The following RAB11B variants were observed in gnomAD, a reference collection of about 807,000 sequenced individuals.
RAB11B encodes ras-related protein Rab-11B.
In RAB11B, 7 loss-of-function variants were observed where a neutral mutation model predicts 23.7. That is an observed-to-expected ratio of 0.29 (90% CI 0.17 to 0.55). RAB11B has a LOEUF of 0.55. Ranked by LOEUF, RAB11B falls within the 20% of genes least tolerant of loss-of-function variation. RAB11B has a pLI of 0.93. For synonymous variants in RAB11B, 138 were observed against 132.0 expected (o/e 1.05, Z -0.31); for missense variants, 189 against 320.0 (o/e 0.59, Z 3.12).
chr19:8,395,403 C>G (rs978115118), intron 1 of RAB11B, among the ~76,000 whole-genome samples: 1 of 151,898 alleles, frequency 6.6e-6, no homozygotes, highest in Non-Finnish European at 1.5e-5. Context: ...CCTCCACCAC[C>G]ACACCCGGCT....
rs1308968413 is a variant in RAB11B, at chr19:8,396,543, G to A, written c.41-3320G>A. On this transcript the variant is annotated intron_variant, in intron 1 of 4. Transcript: ENST00000328024. The surrounding 1 kb of genome is among the most constrained non-coding windows in gnomAD (Gnocchi z 5.0). ...CAGGGAGGGCCTTCTTGGCCAAGTG[G>A]CATTTAAGGGGCCACACGAAGGGGA... Among the ~76,000 whole-genome samples the A allele has an allele frequency of 6.6e-6, 1 of 152,136 alleles. No individual in the cohort carries two copies. The highest frequency in any genetic ancestry group is 1.9e-4 in the East Asian group (1 of 5,188).
chr19:8,403,789 C>G lies in RAB11B; in HGVS notation c.*231C>G, dbSNP rs1006918607. 1.8e-5 allele frequency: 10 copies of G among 550,294 alleles called. No homozygotes were observed. Among genetic ancestry groups the G allele is most frequent in the Non-Finnish European group, 2.7e-5 (9 of 333,680 alleles). The allele number at this position is 550,294 out of a possible 1,614,324, so 34.1% of individuals were successfully genotyped here. On this transcript the variant is annotated 3_prime_UTR_variant, in exon 5 of 5. Transcript: ENST00000328024. ...ACCCATGAAACTCGGGTCCCCACAG[C>G]GTCTTGGCGGGGTGGGGAGGGCGGC... is the stretch of plus-strand genomic sequence containing the variant.
rs367828564 is a variant in RAB11B at position 8,403,410 on chromosome 19, C to G, written c.512-3C>G. The G allele has an allele frequency of 6.2e-7, 1 of 1,611,704 alleles. No homozygotes were observed. The highest frequency in any genetic ancestry group is 8.5e-7 in the Non-Finnish European group (1 of 1,178,446). On this transcript the variant is annotated splice_region_variant and splice_polypyrimidine_tract_variant and intron_variant, in intron 4 of 4. Coordinates refer to ENST00000328024, the MANE Select transcript of RAB11B (RefSeq NM_004218.4). Reference sequence around the variant, plus strand: ...CCCACGTCCCCCTGTACCCCCTTTGCAGAGATCTACCGCATCGTGTCACAG... The same window carrying G: ...CCCACGTCCCCCTGTACCCCCTTTGGAGAGATCTACCGCATCGTGTCACAG...
intron 1 of RAB11B, among the ~76,000 whole-genome samples, chr19:8,392,608 G>A (rs945597390): frequency 4.0e-5 from 6 of 150,390 alleles, no homozygotes; most frequent in Non-Finnish European, 5.9e-5. Context: ...GTCATCTGCC[G>A]TCTCACCTTC....
intron 1 of RAB11B, among the ~76,000 whole-genome samples, chr19:8,392,438 A>C (rs983335171): frequency 2.1e-5 from 3 of 140,446 alleles, no homozygotes; most frequent in Admixed American, 1.4e-4. Context: ...GGCATCTGGC[A>C]TTTGGCGGGC....
At chr19:8,400,131 A>T (rs896178609) in intron 2 of RAB11B, 73 bp downstream of exon 2, 1 of 1,528,752 alleles carries the variant, frequency 6.5e-7, no homozygotes, top group South Asian at 1.2e-5. Context: ...GCTTGGAAGG[A>T]TGTGTAGGAG....
At chr19:8,400,845 A>G (rs1422534540) in intron 2 of RAB11B, among the ~76,000 whole-genome samples, 10 of 151,748 alleles carry the variant, frequency 6.6e-5, no homozygotes, top group Admixed American at 6.6e-4. Flanking sequence ...TCGGCTTCCC[A>G]AAGTGCTGAG....
chr19:8,401,814 G>T (rs1204395029), intron 2 of RAB11B, among the ~76,000 whole-genome samples: 1 of 152,160 alleles, frequency 6.6e-6, no homozygotes, highest in Non-Finnish European at 1.5e-5. Flanking sequence ...GAGCCACCAT[G>T]CCCAGCCCCT....
At position 8,396,721 on chromosome 19, in the gene RAB11B, G is replaced by A. The variant is rs1313731051; in HGVS notation, c.41-3142G>A. 1.4e-4 allele frequency among the ~76,000 whole-genome samples: 20 copies of A among 140,096 alleles called. No homozygotes were observed. The South Asian group carries it at 1.8e-3, about 13-fold the overall frequency. The allele number at this position is 140,096 out of a possible 152,430, so 91.9% of individuals were successfully genotyped here. On this transcript the variant is annotated intron_variant, in intron 1 of 4. Transcript: ENST00000328024. This position sits in a 1 kb window ranked among gnomAD's most constrained non-coding sequence, Gnocchi z 5.0. ...GAGCAGAGTGAGCCGGGGGGGGGGC[G>A]GGAGGGAGGAGGGGAGGGCCCTGTG... is the stretch of plus-strand genomic sequence containing the variant.
At position 8,396,310 on chromosome 19, in the gene RAB11B, C is replaced by T. The variant is rs1971396141; in HGVS notation, c.41-3553C>T. ...GGCATGCGTGGGAGGCTCTGCCAGCCTTTTTGGCATTTTGTTTGTTCACTT... is the reference window on the plus strand; with the variant it reads ...GGCATGCGTGGGAGGCTCTGCCAGCTTTTTTGGCATTTTGTTTGTTCACTT... On this transcript the variant is annotated intron_variant, in intron 1 of 4. Transcript: ENST00000328024. The surrounding 1 kb of genome is among the most constrained non-coding windows in gnomAD (Gnocchi z 5.0). Among the ~76,000 whole-genome samples the T allele has an allele frequency of 6.6e-6, 1 of 152,158 alleles. No homozygotes were observed. The highest frequency in any genetic ancestry group is 6.5e-5 in the Admixed American group (1 of 15,272).
chr19:8,399,808 G>A (rs1971423673), intron 1 of RAB11B, 55 bp from the exon 2 acceptor site: 2 of 1,576,098 alleles, frequency 1.3e-6, no homozygotes, highest in African/African-American at 1.3e-5. Flanking sequence ...GGAAGGTTGT[G>A]GGGGCAGTCG....
At chr19:8,395,501 G>A (rs1456228303) in intron 1 of RAB11B, among the ~76,000 whole-genome samples, 1 of 151,970 alleles carries the variant, frequency 6.6e-6, no homozygotes, top group East Asian at 1.9e-4. Flanking sequence ...CGCCTGCCTC[G>A]GCCTCCCCAA....
At chr19:8,401,404 A>T (rs1232216085) in intron 2 of RAB11B, among the ~76,000 whole-genome samples, 1 of 148,954 alleles carries the variant, frequency 6.7e-6, no homozygotes. Context: ...TTTGAGATAG[A>T]GTCTCACTCT....
intron 1 of RAB11B, among the ~76,000 whole-genome samples, chr19:8,393,637 C>T (rs1327567321): frequency 6.6e-6 from 1 of 152,216 alleles, no homozygotes; most frequent in Admixed American, 6.5e-5. Context: ...AGTGCCCTGG[C>T]TCTGTACACC....
chr19:8,395,755 C>T (rs1971392270), intron 1 of RAB11B, among the ~76,000 whole-genome samples: 1 of 152,160 alleles, frequency 6.6e-6, no homozygotes, highest in Admixed American at 6.5e-5. Context: ...ACAGGCTGCC[C>T]TATGCGGTGG....
At chr19:8,394,802 C>CGCCT (rs1278415781) in intron 1 of RAB11B, among the ~76,000 whole-genome samples, 1 of 152,214 alleles carries the variant, frequency 6.6e-6, no homozygotes, top group Non-Finnish European at 1.5e-5. Context: ...TCGTGGTGCA[C>CGCCT]GCCTATAATC....
Position 8,403,623 on chromosome 19 carries a change from C to T in RAB11B, c.*65C>T. On this transcript the variant is annotated 3_prime_UTR_variant, in exon 5 of 5. Coordinates refer to ENST00000328024, the MANE Select transcript of RAB11B (RefSeq NM_004218.4). ...CCGCCCCCGCCACGGTATCCTCTGG[C>T]CCCTCCCTGCTGTCCCTCTGTGGCC... 4 of 1,552,602 alleles carry T rather than the reference C, an allele frequency of 2.6e-6. No individual in the cohort carries two copies. The South Asian group carries it at 3.6e-5, about 14-fold the overall frequency.
intron 1 of RAB11B, among the ~76,000 whole-genome samples, chr19:8,392,453 G>A (rs1041416758): frequency 4.6e-5 from 7 of 150,852 alleles, no homozygotes; most frequent in Admixed American, 4.6e-4. Context: ...GCGGGCAGGC[G>A]GTGTGGGGTG....
At chr19:8,390,568 C>T (rs1164400793) in intron 1 of RAB11B, 112 bp downstream of exon 1, 3 of 1,190,518 alleles carry the variant, frequency 2.5e-6, no homozygotes, top group Non-Finnish European at 3.2e-6. Context: ...GGGCTTGGGG[C>T]CCGGCGGGTC....
Sources: allele counts gnomAD v4.1 joint callset (sites outside exome capture counted in the v4.1 genomes callset), GRCh38; gene constraint gnomAD v4.1.1; non-coding constraint Gnocchi (gnomAD v3.1); transcripts MANE v1.5; gene names NCBI Gene and HGNC (gene_info 2026-07-23, HGNC 2026-07-21).